Variants in MORC1 observed in about 807,000 individuals in gnomAD.
MORC1 encodes the protein MORC family CW-type zinc finger protein 1.
In MORC1, 59 loss-of-function variants were observed where a neutral mutation model predicts 134.9. The ratio of observed to expected loss-of-function variants is 0.44; its 90% CI spans 0.35 to 0.54. The LOEUF is 0.54. Ranked by LOEUF, MORC1 falls within the 20% of genes least tolerant of loss-of-function variation. The pLI, the probability that MORC1 is intolerant of heterozygous loss-of-function variation, is 0.00. For missense variants in MORC1, 947 were observed against 1,134.5 expected (o/e 0.83, Z 2.37); for synonymous variants, 395 against 391.7 (o/e 1.01, Z -0.10).
chr3:109,044,061 T>C (rs1705444520), intron 14 of MORC1, among the ~76,000 whole-genome samples: 1 of 152,206 alleles, frequency 6.6e-6, no homozygotes, highest in South Asian at 2.1e-4. Flanking sequence ...CTTAAGACTT[T>C]TGTATGAAGA....
At chr3:108,972,453 T>C (rs1947413825) in intron 24 of MORC1, among the ~76,000 whole-genome samples, 1 of 152,220 alleles carries the variant, frequency 6.6e-6, no homozygotes, top group Non-Finnish European at 1.5e-5. Flanking sequence ...TTAATACATA[T>C]TTATAATTTC....
intron 8 of MORC1, among the ~76,000 whole-genome samples, chr3:109,086,625 C>T (rs1484882001): frequency 6.6e-6 from 1 of 151,998 alleles, no homozygotes; most frequent in Non-Finnish European, 1.5e-5. Context: ...TAAATAAATA[C>T]TTGTCTAAAT....
In MORC1 at chr3:108,984,859, C is replaced by T. The variant is rs138140588; in HGVS notation, c.2258-77G>A. The T allele has an allele frequency of 2.6e-5, 27 of 1,020,690 alleles. No individual in the cohort carries two copies. The Middle Eastern group carries it at 6.2e-4, about 24-fold the overall frequency. The allele number at this position is 1,020,690 out of a possible 1,614,324, so 63.2% of individuals were successfully genotyped here. A position where few individuals can be genotyped will look rare whatever the true frequency, so the allele number is the denominator to read the frequency against. On this transcript the variant is annotated intron_variant, in intron 22 of 27. Transcript: ENST00000232603. ...TGAACCAAAAGAAATGTTAGCAGTTCATTAACTACCTCTGTATAATATGGA... is the reference window on the plus strand; with the variant it reads ...TGAACCAAAAGAAATGTTAGCAGTTTATTAACTACCTCTGTATAATATGGA...
At chr3:109,086,311 A>G (rs540313041) in intron 8 of MORC1, among the ~76,000 whole-genome samples, 8 of 152,080 alleles carry the variant, frequency 5.3e-5, no homozygotes, top group Admixed American at 1.3e-4. Context: ...TTTTAACTTT[A>G]CAAATTATAT....
At chr3:109,041,184 G>A (rs111901475) in intron 14 of MORC1, among the ~76,000 whole-genome samples, 3,655 of 151,480 alleles carry the variant, frequency 0.024, 64 homozygotes, top group African/African-American at 0.033. Flanking sequence ...GGTGGCGGGC[G>A]CCTGTAGTCC....
chr3:109,114,588 G>C, intron 1 of MORC1, 151 bp from the exon 2 acceptor site: 1 of 647,386 alleles, frequency 1.5e-6, no homozygotes, highest in Non-Finnish European at 2.6e-6. Flanking sequence ...GCACGGTCAA[G>C]ATTCGGAACT....
chr3:109,040,773 T>C (rs1483405964), intron 14 of MORC1, among the ~76,000 whole-genome samples: 6 of 137,894 alleles, frequency 4.4e-5, no homozygotes. Flanking sequence ...GAGGTTGCAG[T>C]GAGCACAGAT....
At chr3:109,007,794 G>C (rs916074886) in intron 17 of MORC1, among the ~76,000 whole-genome samples, 2 of 152,118 alleles carry the variant, frequency 1.3e-5, no homozygotes, top group Admixed American at 1.3e-4. Flanking sequence ...GACAACACAT[G>C]TTTAGAAGTA....
chr3:108,964,425 A>C (rs1304801799), intron 26 of MORC1, among the ~76,000 whole-genome samples: 2 of 152,216 alleles, frequency 1.3e-5, no homozygotes, highest in African/African-American at 4.8e-5. Flanking sequence ...CTGGGTTGCC[A>C]AGAAAGTTGT....
chr3:108,971,538 T>C, intron 24 of MORC1, 136 bp from the exon 25 acceptor site: 1 of 695,160 alleles, frequency 1.4e-6, no homozygotes. Flanking sequence ...AAACATTTTG[T>C]TTTTATCACT....
At chr3:108,983,025 C>A (rs576065039) in intron 23 of MORC1, among the ~76,000 whole-genome samples, 102 of 138,258 alleles carry the variant, frequency 7.4e-4, no homozygotes, top group Admixed American at 1.2e-3. Context: ...ACAGTGATTC[C>A]AAAAAAAAAA....
At chr3:109,093,633 G>C in intron 7 of MORC1, 92 bp from the exon 8 acceptor site, 1 of 925,272 alleles carries the variant, frequency 1.1e-6, no homozygotes, top group Non-Finnish European at 1.6e-6. Flanking sequence ...AACTGAGTCT[G>C]CTATAAAATT....
chr3:108,993,250 C>T (rs1467333388), intron 21 of MORC1, among the ~76,000 whole-genome samples: 1 of 152,170 alleles, frequency 6.6e-6, no homozygotes, highest in Non-Finnish European at 1.5e-5. Context: ...AAATGTCTAA[C>T]ATAGTATTGT....
chr3:108,963,451 C>A lies in MORC1; in HGVS notation c.2762G>T (p.Arg921Leu). ...CTGCAACAATAGTGCCAGTTTTATACGAAGATTCTTCAGCTTATCCTCAGA... is the reference window on the plus strand; with the variant it reads ...CTGCAACAATAGTGCCAGTTTTATAAGAAGATTCTTCAGCTTATCCTCAGA... ...KISEDKLKNLRIKLALLLQKL... is the reference protein window; with the variant it reads ...KISEDKLKNLLIKLALLLQKL... The change falls in exon 27 of 28, where the codon CGT (arginine) becomes CTT (leucine). Residue 921 changes from arginine (R) to leucine (L), a missense_variant. This residue lies in a region of MORC1 where 722 missense variants were observed against 817.0 expected (regional missense o/e 0.88). Coordinates refer to ENST00000232603, the MANE Select transcript of MORC1 (RefSeq NM_014429.4). 3 of 1,610,368 alleles carry A rather than the reference C, an allele frequency of 1.9e-6. No individual in the cohort carries two copies. Among genetic ancestry groups the A allele is most frequent in the South Asian group, 2.2e-5 (2 of 89,530 alleles).
intron 3 of MORC1, among the ~76,000 whole-genome samples, chr3:109,108,171 A>G (rs1951079390): frequency 6.6e-6 from 1 of 152,208 alleles, no homozygotes; most frequent in Non-Finnish European, 1.5e-5. Flanking sequence ...CCTGGGCAAC[A>G]GAGTGAGACT....
chr3:109,046,353 T>G (rs1195078310), intron 14 of MORC1, among the ~76,000 whole-genome samples: 1 of 152,242 alleles, frequency 6.6e-6, no homozygotes, highest in Non-Finnish European at 1.5e-5. Flanking sequence ...AGAAATAAAT[T>G]TGACCTTCTT....
At chr3:109,089,467 T>G (rs2107752301) in intron 8 of MORC1, among the ~76,000 whole-genome samples, 1 of 152,260 alleles carries the variant, frequency 6.6e-6, no homozygotes, top group East Asian at 1.9e-4. Context: ...CACTAGCCTG[T>G]TAACTTCTGT....
chr3:109,072,968 C>T (rs79902221), intron 8 of MORC1, among the ~76,000 whole-genome samples: 85 of 22,362 alleles, frequency 3.8e-3, no homozygotes, highest in East Asian at 0.028. Flanking sequence ...CACACACATA[C>T]ACACACACAC....
chr3:109,053,280 A>G (rs563547705), intron 14 of MORC1, among the ~76,000 whole-genome samples: 1 of 152,240 alleles, frequency 6.6e-6, no homozygotes, highest in African/African-American at 2.4e-5. Context: ...GTATATACTC[A>G]AAGGAAACTC....
Sources: allele counts gnomAD v4.1 joint callset (sites outside exome capture counted in the v4.1 genomes callset), GRCh38; gene constraint gnomAD v4.1.1; regional missense constraint gnomAD v4.1.1; transcripts MANE v1.5; gene names NCBI Gene and HGNC (gene_info 2026-07-23, HGNC 2026-07-21).